ZNF326: variants seen among roughly 807,000 people sequenced by gnomAD.
ZNF326 encodes zinc finger protein 326, also known as DBIRD complex subunit ZNF326.
Under a neutral mutation model 63.1 loss-of-function variants are expected in ZNF326, and 30 were observed. The ratio of observed to expected loss-of-function variants is 0.48; its 90% confidence interval spans 0.36 to 0.64. The LOEUF (loss-of-function observed/expected upper bound fraction) is 0.64. Among genes scored for constraint, ZNF326 ranks in the 30% least tolerant of loss-of-function variants. ZNF326 has a pLI of 0.00. For missense variants in ZNF326, 609 were observed against 720.3 expected (o/e 0.85, Z 1.77); for synonymous variants, 194 against 228.2 (o/e 0.85, Z 1.35).
rs1650343152 is a variant in ZNF326, at chr1:90,033,087, GCCC to G, written c.*5387_*5389del. 6.6e-6 allele frequency: 1 copy of G among 152,022 alleles called. No homozygotes were observed. The highest frequency in any genetic ancestry group is 2.4e-5 in the African/African-American group (1 of 41,376). 9.4% of individuals were successfully genotyped at this position (152,022 alleles called of 1,614,324 possible). A position where few individuals can be genotyped will look rare whatever the true frequency, so the allele number is the denominator to read the frequency against. On this transcript the variant is annotated 3_prime_UTR_variant, in exon 12 of 12. Transcript: ENST00000340281. ...AATCTTCAGGGAATTTTTCACTCAA[GCCC>G]AGAAAATAAACTCCAGATAATGATA...
chr1:90,013,313 ATTAAAAAGTTCTTAAGATTCAAAT>A, intron 7 of ZNF326, 76 bp downstream of exon 7: 1 of 1,121,718 alleles, frequency 8.9e-7, no homozygotes. Context: ...CAATTGTAAT[ATTAAAAAGTTCTTAAGATTCAAAT>A]GAAAAGACTT....
intron 1 of ZNF326, among the ~76,000 whole-genome samples, chr1:89,996,695 T>A (rs1648392826): frequency 6.6e-6 from 1 of 150,880 alleles, no homozygotes; most frequent in Non-Finnish European, 1.5e-5. Flanking sequence ...GCCGAGATCG[T>A]GCCATTGCAC....
At chr1:90,004,883 A>T in intron 2 of ZNF326, 120 bp from the exon 3 acceptor site, 1 of 449,076 alleles carries the variant, frequency 2.2e-6, no homozygotes, top group East Asian at 6.6e-5. Context: ...GTGTGAATTT[A>T]GTTTAAATGT....
chr1:90,018,210 T>C (rs1251202822), intron 8 of ZNF326, among the ~76,000 whole-genome samples: 1 of 150,756 alleles, frequency 6.6e-6, no homozygotes, highest in Non-Finnish European at 1.5e-5. Context: ...GAGAATTGCT[T>C]AAACCCGGGA....
intron 1 of ZNF326, among the ~76,000 whole-genome samples, chr1:89,995,919 A>G (rs867234250): frequency 6.6e-6 from 1 of 152,232 alleles, no homozygotes. Flanking sequence ...TATGTGAACC[A>G]AAGCACTTTT....
chr1:90,006,876 T>C lies in ZNF326; in HGVS notation c.210-469T>C, dbSNP rs527480216. Among the ~76,000 whole-genome samples, 5 of 152,324 alleles carry C rather than the reference T, an allele frequency of 3.3e-5. No individual in the cohort carries two copies. The East Asian group carries it at 5.8e-4, about 18-fold the overall frequency. ...AGATTATTGGGAGTGCAAAAGGATCTCTCTGTGTCACAAATAACCTACATC... is the reference window on the plus strand; with the variant it reads ...AGATTATTGGGAGTGCAAAAGGATCCCTCTGTGTCACAAATAACCTACATC... On this transcript the variant is annotated intron_variant, in intron 4 of 11. Coordinates refer to ENST00000340281, the MANE Select transcript of ZNF326 (RefSeq NM_182976.4).
At chr1:90,006,400 CAT>C (rs927988905) in intron 4 of ZNF326, 53 of 984,894 alleles carry the variant, frequency 5.4e-5, no homozygotes, top group African/African-American at 4.4e-4. Context: ...TGTTTTATCT[CAT>C]GTGTAATTGT....
rs759498851 is a variant in ZNF326, at chr1:90,013,150, A to G, written c.839A>G (p.Glu280Gly). 6.2e-7 allele frequency: 1 copy of G among 1,612,036 alleles called. No homozygotes were observed. Among genetic ancestry groups the G allele is most frequent in the South Asian group, 1.1e-5 (1 of 90,590 alleles). ...GCAAAAACTGATCCTAAAAATGAAG[A>G]GGAAGAAAAGCGGCGAATTGAGGCT... ...SPTKTDPKNE[E>G]EEKRRIEARR... Residue 280 changes from glutamate to glycine, a missense_variant, in exon 7 of 12, where the codon GAG becomes GGG. By Grantham distance (98) the Glu-to-Gly change is moderately conservative (BLOSUM62 -2). Coordinates refer to ENST00000340281, the MANE Select transcript of ZNF326 (RefSeq NM_182976.4).
intron 2 of ZNF326, among the ~76,000 whole-genome samples, chr1:90,003,335 T>G (rs1243833186): frequency 6.6e-6 from 1 of 152,118 alleles, no homozygotes; most frequent in Non-Finnish European, 1.5e-5. Context: ...GGTTTCACTG[T>G]GTTAGCCAGG....
intron 6 of ZNF326, 43 bp downstream of exon 6, chr1:90,010,329 A>G (rs749818963): frequency 6.4e-7 from 1 of 1,573,562 alleles, no homozygotes; most frequent in Non-Finnish European, 8.6e-7. Context: ...GATACTTTTT[A>G]TTTTTTAAAA....
intron 8 of ZNF326, 121 bp downstream of exon 8, chr1:90,017,585 AAG>A: frequency 3.3e-6 from 3 of 903,112 alleles, no homozygotes; most frequent in Non-Finnish European, 4.8e-6. Flanking sequence ...TATTTAAAGA[AAG>A]AGTTGTTTTA....
intron 10 of ZNF326, among the ~76,000 whole-genome samples, chr1:90,021,229 A>T (rs2101088363): frequency 6.6e-6 from 1 of 152,162 alleles, no homozygotes; most frequent in Admixed American, 6.5e-5. Context: ...TTTAAGAATT[A>T]AATTAATTAA....
intron 7 of ZNF326, among the ~76,000 whole-genome samples, chr1:90,015,060 G>T (rs1028502738): frequency 7.2e-5 from 11 of 152,080 alleles, no homozygotes; most frequent in South Asian, 2.1e-4. Context: ...TAAATCTGAT[G>T]ATATAACCAA....
intron 6 of ZNF326, among the ~76,000 whole-genome samples, chr1:90,010,731 T>C (rs1649196481): frequency 6.6e-6 from 1 of 152,162 alleles, no homozygotes; most frequent in Non-Finnish European, 1.5e-5. Flanking sequence ...TCCCTAATTA[T>C]GACATTATAG....
intron 5 of ZNF326, 49 bp from the exon 6 acceptor site, chr1:90,010,039 T>G: frequency 6.5e-7 from 1 of 1,548,692 alleles, no homozygotes; most frequent in Non-Finnish European, 8.8e-7. Flanking sequence ...TGAATTCATA[T>G]TTTTTCTTGG....
chr1:90,017,685 C>T (rs774440522), intron 8 of ZNF326, among the ~76,000 whole-genome samples: 15 of 152,150 alleles, frequency 9.9e-5, no homozygotes, highest in African/African-American at 2.4e-4. Flanking sequence ...ACAGTTTCTG[C>T]GGGAGGTGTC....
In ZNF326 at chr1:90,027,844, A is replaced by G. The variant is rs1557533316; in HGVS notation, c.*143A>G. On this transcript the variant is annotated 3_prime_UTR_variant, in exon 12 of 12. Coordinates refer to ENST00000340281, the MANE Select transcript of ZNF326 (RefSeq NM_182976.4). ...AAAATTTGTTTTATATAATTTCTAA[A>G]TGTTTAACATTTGTTTAATAAAATG... 2.7e-6 allele frequency: 2 copies of G among 742,678 alleles called. No individual in the cohort carries two copies. Among genetic ancestry groups the G allele is most frequent in the Admixed American group, 3.4e-5 (1 of 29,774 alleles). The allele number at this position is 742,678 out of a possible 1,614,324, so 46.0% of individuals were successfully genotyped here.
chr1:90,029,835 T>G lies in ZNF326; in HGVS notation c.*2134T>G, dbSNP rs2101105828. On this transcript the variant is annotated 3_prime_UTR_variant, in exon 12 of 12. Transcript: ENST00000340281. ...TAAATAAAAGTGTATTTTGTTACTG[T>G]GCTTAATTCAGAAATTCAAATTCAT... 1 of 152,328 alleles carries G rather than the reference T, an allele frequency of 6.6e-6. No individual in the cohort carries two copies. Among genetic ancestry groups the G allele is most frequent in the Non-Finnish European group, 1.5e-5 (1 of 68,016 alleles). 9.4% of individuals were successfully genotyped at this position (152,328 alleles called of 1,614,324 possible).
chr1:90,012,400 A>G (rs1649294393), intron 6 of ZNF326, among the ~76,000 whole-genome samples: 1 of 152,228 alleles, frequency 6.6e-6, no homozygotes, highest in African/African-American at 2.4e-5. Context: ...AGAATAGGCA[A>G]ATCCGTAGAT....
Sources: allele counts gnomAD v4.1 joint callset (sites outside exome capture counted in the v4.1 genomes callset), GRCh38; gene constraint gnomAD v4.1.1; transcripts MANE v1.5; gene names NCBI Gene and HGNC (gene_info 2026-07-23, HGNC 2026-07-21).